Variants in GHR observed in about 807,000 individuals in gnomAD.
GHR encodes the protein growth hormone receptor.
In GHR, 35 loss-of-function variants were observed where a neutral mutation model predicts 67.1. The ratio of observed to expected loss-of-function variants is 0.52; its 90% CI spans 0.40 to 0.69. GHR has a LOEUF of 0.69. Ranked by LOEUF, GHR falls within the 30% of genes least tolerant of loss-of-function variation. GHR has a pLI of 0.00. For synonymous variants in GHR, 272 were observed against 269.1 expected (o/e 1.01, Z -0.10); for missense variants, 792 against 764.6 (o/e 1.04, Z -0.42).
chr5:42,635,235 A>G (rs1754120111), intron 3 of GHR, among the ~76,000 whole-genome samples: 2 of 152,176 alleles, frequency 1.3e-5, no homozygotes, highest in African/African-American at 4.8e-5. Flanking sequence ...GACTCACATA[A>G]GCACTAATCT....
At position 42,463,355 on chromosome 5, in the gene GHR, C is replaced by T. The variant is rs115723653; in HGVS notation, c.-12+39400C>T. On this transcript the variant is annotated intron_variant, in intron 1 of 9. Coordinates refer to ENST00000230882, the MANE Select transcript of GHR (RefSeq NM_000163.5). ...GCCTTGTTGGCCATATCTTTTAATACTTGCATTGAAAATAAAATTACATCC... is the reference window on the plus strand; with the variant it reads ...GCCTTGTTGGCCATATCTTTTAATATTTGCATTGAAAATAAAATTACATCC... 2.3e-3 allele frequency among the ~76,000 whole-genome samples: 356 copies of T among 152,242 alleles called. 4 individuals carry two copies. The highest frequency in any genetic ancestry group is 8.3e-3 in the African/African-American group (343 of 41,536).
chr5:42,532,348 T>TGATA (rs35216564), intron 1 of GHR, among the ~76,000 whole-genome samples: 13,658 of 151,290 alleles, frequency 0.09, 675 homozygotes, highest in Non-Finnish European at 0.11. Flanking sequence ...TTGATATAGA[T>TGATA]GATAGATAGA....
rs1579988839 is a variant in GHR, at chr5:42,581,293, A to G, written c.70+15349A>G. ...ACTGGAACTTGCTTTTCCAACTGTC[A>G]GTGGAGTTTTAGAATTTTCCTACTT... On this transcript the variant is annotated intron_variant, in intron 2 of 9. Coordinates refer to ENST00000230882, the MANE Select transcript of GHR (RefSeq NM_000163.5). Among the ~76,000 whole-genome samples, 8 of 152,210 alleles carry G rather than the reference A, an allele frequency of 5.3e-5. 1 individual carries two copies. The South Asian group carries it at 1.7e-3, about 32-fold the overall frequency.
intron 1 of GHR, among the ~76,000 whole-genome samples, chr5:42,446,322 G>A (rs1404369392): frequency 2.0e-5 from 3 of 152,184 alleles, no homozygotes; most frequent in Non-Finnish European, 4.4e-5. Flanking sequence ...CCAACAGGCA[G>A]AGAAAAAATG....
At position 42,638,351 on chromosome 5, in the gene GHR, G is replaced by T. The variant is rs1241717691; in HGVS notation, c.136+9248G>T. Among the ~76,000 whole-genome samples the T allele has an allele frequency of 1.3e-5, 2 of 152,126 alleles. 1 individual carries two copies. Among genetic ancestry groups the T allele is most frequent in the Non-Finnish European group, 2.9e-5 (2 of 68,038 alleles). On this transcript the variant is annotated intron_variant, in intron 3 of 9. Coordinates refer to ENST00000230882, the MANE Select transcript of GHR (RefSeq NM_000163.5). Reference sequence around the variant, plus strand: ...GTTCACTTTATAAATTTGCTTCATAGTAAACTCTTCTGAAATAAATTACAG... The same window carrying T: ...GTTCACTTTATAAATTTGCTTCATATTAAACTCTTCTGAAATAAATTACAG...
At chr5:42,552,991 A>T (rs551123074) in intron 1 of GHR, among the ~76,000 whole-genome samples, 1 of 152,358 alleles carries the variant, frequency 6.6e-6, no homozygotes, top group South Asian at 2.1e-4. Flanking sequence ...TAAAATTGCT[A>T]GACATTGCAA....
In GHR at chr5:42,584,935, C is replaced by T. The variant is rs142729020; in HGVS notation, c.70+18991C>T. ...CATTCTCTGCATGACTGGTAAAGAG[C>T]GGAAAGAGTAATACTTAGGATCTGG... On this transcript the variant is annotated intron_variant, in intron 2 of 9. Transcript: ENST00000230882. Among the ~76,000 whole-genome samples the T allele has an allele frequency of 3.9e-5, 6 of 152,244 alleles. No individual in the cohort carries two copies. In the East Asian group the frequency reaches 5.8e-4, roughly 15 times the overall value.
intron 1 of GHR, among the ~76,000 whole-genome samples, chr5:42,528,554 T>G (rs1254418397): frequency 6.6e-6 from 1 of 152,212 alleles, no homozygotes; most frequent in Non-Finnish European, 1.5e-5. Flanking sequence ...TGAGATGGAA[T>G]CTACTCCTGG....
At chr5:42,650,578 C>CATATATAT (rs35408817) in intron 3 of GHR, among the ~76,000 whole-genome samples, 6,003 of 128,872 alleles carry the variant, frequency 0.047, 373 homozygotes, top group East Asian at 0.31. Context: ...TTACAGATAA[C>CATATATAT]ATATATATAT....
chr5:42,594,625 T>C (rs1267900337), intron 2 of GHR, among the ~76,000 whole-genome samples: 3 of 152,158 alleles, frequency 2.0e-5, no homozygotes, highest in Non-Finnish European at 1.5e-5. Context: ...TAATAATAAG[T>C]CCTTAGAACA....
rs761669822 is a variant in GHR, at chr5:42,719,247, G to A, written c.1740G>A (p.Gly580=). The part of the protein sequence containing the change: ...ESLTTAAGRP[G]TGEHVPGSEM... Reference sequence around the variant, plus strand: ...TTACCACTGCTGCTGGGAGGCCTGGGACAGGAGAACATGTTCCAGGTTCTG... The same window carrying A: ...TTACCACTGCTGCTGGGAGGCCTGGAACAGGAGAACATGTTCCAGGTTCTG... The change falls in exon 10 of 10, where the codon GGG becomes GGA. Residue 580 remains glycine, a synonymous_variant. Transcript: ENST00000230882. 4 of 1,613,984 alleles carry A rather than the reference G, an allele frequency of 2.5e-6. No homozygotes were observed. Among genetic ancestry groups the A allele is most frequent in the East Asian group, 2.2e-5 (1 of 44,868 alleles).
At chr5:42,688,337 G>A (rs1244875067) in intron 3 of GHR, among the ~76,000 whole-genome samples, 1 of 152,186 alleles carries the variant, frequency 6.6e-6, no homozygotes, top group Non-Finnish European at 1.5e-5. Flanking sequence ...AAGTGCATGG[G>A]GGTGAACATC....
intron 1 of GHR, among the ~76,000 whole-genome samples, chr5:42,447,433 G>A (rs1388804895): frequency 4.6e-5 from 7 of 152,102 alleles, no homozygotes; most frequent in South Asian, 2.1e-4. Context: ...AGCTCCATCC[G>A]GGTTGCTGCA....
intron 1 of GHR, among the ~76,000 whole-genome samples, chr5:42,496,089 C>T (rs981067698): frequency 2.6e-5 from 4 of 152,114 alleles, no homozygotes; most frequent in Non-Finnish European, 2.9e-5. Flanking sequence ...CAAATTGAGA[C>T]GGTGCCAGAC....
At chr5:42,674,288 A>G (rs1756461835) in intron 3 of GHR, among the ~76,000 whole-genome samples, 1 of 152,188 alleles carries the variant, frequency 6.6e-6, no homozygotes, top group Admixed American at 6.5e-5. Flanking sequence ...AACTAAAATT[A>G]TATTTTGTCA....
intron 1 of GHR, among the ~76,000 whole-genome samples, chr5:42,532,102 G>A (rs989991034): frequency 4.0e-5 from 6 of 151,688 alleles, no homozygotes; most frequent in Non-Finnish European, 8.8e-5. Context: ...GACACATTGT[G>A]GCTTTTCTCT....
chr5:42,546,827 A>G (rs1748753868), intron 1 of GHR, among the ~76,000 whole-genome samples: 1 of 152,196 alleles, frequency 6.6e-6, no homozygotes, highest in South Asian at 2.1e-4. Context: ...AATGGTGGCT[A>G]GTAACAGTAG....
At chr5:42,527,165 C>T (rs1283952152) in intron 1 of GHR, among the ~76,000 whole-genome samples, 3 of 152,160 alleles carry the variant, frequency 2.0e-5, no homozygotes, top group Admixed American at 6.5e-5. Context: ...AAAGCAACCA[C>T]AAAAGCAAGC....
At chr5:42,522,952 A>G (rs1057270104) in intron 1 of GHR, among the ~76,000 whole-genome samples, 1 of 152,204 alleles carries the variant, frequency 6.6e-6, no homozygotes, top group African/African-American at 2.4e-5. Context: ...TCTTGCTTCA[A>G]AGTCTTAGAT....
Sources: gnomAD v4.1 joint callset for allele counts (sites outside exome capture counted in the v4.1 genomes callset) on GRCh38, gnomAD v4.1.1 for gene constraint, MANE v1.5 for transcripts, NCBI Gene and HGNC (gene_info 2026-07-23, HGNC 2026-07-21) for gene names.